CAPN12: variants seen among roughly 807,000 people sequenced by gnomAD.
The protein encoded by CAPN12 is calpain 12.
A neutral mutation model predicts 95.0 loss-of-function variants in CAPN12; 107 were observed. The observed-to-expected ratio is 1.13, with a 90% CI of 0.96 to 1.32. The LOEUF is 1.32. Among genes scored for constraint, CAPN12 ranks in the 40% most tolerant of loss-of-function variants. The pLI is 0.00. For missense variants in CAPN12, 1,136 were observed against 997.8 expected (o/e 1.14, Z -1.87); for synonymous variants, 505 against 415.5 (o/e 1.22, Z -2.62).
chr19:38,734,274 C>G (rs781374442), intron 16 of CAPN12, 45 bp downstream of exon 16: 1 of 1,603,674 alleles, frequency 6.2e-7, no homozygotes, highest in Admixed American at 1.7e-5. Flanking sequence ...CCCCAACGTC[C>G]CCTTCCCCAC....
Position 38,736,145 on chromosome 19 carries a change from A to G in CAPN12, c.1548T>C (p.Thr516=), listed in dbSNP as rs1183475707. 37 of 1,514,326 alleles carry G rather than the reference A, an allele frequency of 2.4e-5. No homozygotes were observed. In the Admixed American group the frequency reaches 3.3e-4, roughly 14 times the overall value. 93.8% of individuals were successfully genotyped at this position (1,514,326 alleles called of 1,614,324 possible). A position where few individuals can be genotyped will look rare whatever the true frequency, so the allele number is the denominator to read the frequency against. ...TAHAGDEADF[T]LRVFSERRHT... ...GGCGGCGCTCGGAGAAGACACGCAG[A>G]GTGAAGTCAGCCTCGTCGCCGGCGT... is the stretch of plus-strand genomic sequence containing the variant. The change falls in exon 12 of 21, where the codon ACT becomes ACC. Residue 516 remains threonine (T), a synonymous_variant. Transcript: ENST00000328867.
chr19:38,731,502 CTCCTTAAA>C (rs1568763903), intron 18 of CAPN12: 1 of 501,204 alleles, frequency 2.0e-6, no homozygotes, highest in Non-Finnish European at 3.7e-6. Flanking sequence ...GGTACTGTTA[CTCCTTAAA>C]TCCTGTGGGG....
At chr19:38,742,951 G>T in intron 2 of CAPN12, 82 bp downstream of exon 2, 1 of 1,315,274 alleles carries the variant, frequency 7.6e-7, no homozygotes. Flanking sequence ...GGCCGGGAGT[G>T]GGTGGACAAA....
intron 12 of CAPN12, 60 bp downstream of exon 12, chr19:38,736,050 C>CG: frequency 1.5e-6 from 1 of 667,094 alleles, no homozygotes; most frequent in East Asian, 4.0e-5. Context: ...TCGGGGGTCT[C>CG]GGGGGTCTCG....
chr19:38,741,466 G>A (rs143476469), intron 4 of CAPN12, among the ~76,000 whole-genome samples: 107 of 152,118 alleles, frequency 7.0e-4, no homozygotes, highest in South Asian at 1.2e-3. Context: ...CCAGCTAGTC[G>A]GGAGGCTGAG....
At position 38,737,273 on chromosome 19, in the gene CAPN12, T is replaced by TGGGGCCC; in HGVS notation, c.1244_1245insGGGCCCC (p.Ala416GlyfsTer101). ...ACTTGGGCGTGCGGCCCCCCCGCGCTGGGCCCCGTGCCCCTGCAGCCCCCC... is the reference window on the plus strand; with the variant it reads ...ACTTGGGCGTGCGGCCCCCCCGCGCTGGGGCCCGGGCCCCGTGCCCCTGCAGCCCCCC... On this transcript the variant is annotated frameshift_variant, in exon 10 of 21. Coordinates refer to ENST00000328867, the MANE Select transcript of CAPN12 (RefSeq NM_144691.4). LOFTEE classifies it high-confidence loss of function. 1 of 1,527,216 alleles carries TGGGGCCC rather than the reference T, an allele frequency of 6.5e-7. No homozygotes were observed. Among genetic ancestry groups the TGGGGCCC allele is most frequent in the Non-Finnish European group, 8.8e-7 (1 of 1,132,126 alleles). The allele number at this position is 1,527,216 out of a possible 1,614,324, so 94.6% of individuals were successfully genotyped here.
intron 8 of CAPN12, 54 bp downstream of exon 8, chr19:38,738,219 A>G (rs1479358316): frequency 2.6e-5 from 39 of 1,524,736 alleles, no homozygotes; most frequent in Non-Finnish European, 3.4e-5. Flanking sequence ...GCCCTCCCTG[A>G]ACCCCTTGGC....
intron 18 of CAPN12, among the ~76,000 whole-genome samples, chr19:38,731,978 C>T (rs769236844): frequency 6.6e-6 from 1 of 152,250 alleles, no homozygotes; most frequent in East Asian, 1.9e-4. Flanking sequence ...CATCTGCCCT[C>T]GGGCATAGGG....
intron 1 of CAPN12, 143 bp downstream of exon 1, chr19:38,743,786 G>A: frequency 1.4e-6 from 1 of 735,636 alleles, no homozygotes; most frequent in Non-Finnish European, 2.2e-6. Context: ...TCCTCCCTCA[G>A]ACCTAAGAGT....
chr19:38,742,977 G>C, intron 2 of CAPN12, 56 bp downstream of exon 2: 1 of 1,553,456 alleles, frequency 6.4e-7, no homozygotes. Flanking sequence ...GGAGCTGTCA[G>C]GATCTCAGCT....
In CAPN12 at chr19:38,737,552, C is replaced by CCCTCCGGGCTGGGGCCCAGCA. The variant is rs1970287752; in HGVS notation, c.1031_1051dup (p.Val344_Glu350dup). ...GAAGGTGTGGACGTGCCAGCCGCCC[C>CCCTCCGGGCTGGGGCCCAGCA]CCTCCGGGCTGGGGCCCAGCACCTC... On this transcript the variant is annotated inframe_insertion, in exon 9 of 21. Transcript: ENST00000328867. 9.3e-6 allele frequency: 15 copies of CCCTCCGGGCTGGGGCCCAGCA among 1,612,498 alleles called. No individual in the cohort carries two copies. The Middle Eastern group carries it at 4.9e-4, about 53-fold the overall frequency.
Position 38,741,666 on chromosome 19 carries a change from TTGG to T in CAPN12, c.560+108_560+110del, listed in dbSNP as rs1218745121. On this transcript the variant is annotated intron_variant, in intron 4 of 20. Coordinates refer to ENST00000328867, the MANE Select transcript of CAPN12 (RefSeq NM_144691.4). ...GCGGTTGTCACTTGGTTTGGGATTC[TTGG>T]TGGGGTGTTTGGAGGATTGCAGAGC... is the stretch of plus-strand genomic sequence containing the variant. 8.8e-6 allele frequency: 12 copies of T among 1,368,096 alleles called. No homozygotes were observed. The East Asian group carries it at 1.7e-4, about 19-fold the overall frequency. 84.7% of individuals were successfully genotyped at this position (1,368,096 alleles called of 1,614,324 possible). A position where few individuals can be genotyped will look rare whatever the true frequency, so the allele number is the denominator to read the frequency against.
At position 38,743,049 on chromosome 19, in the gene CAPN12, C is replaced by T. The variant is rs1406387717; in HGVS notation, c.291G>A (p.Val97=). 1.2e-6 allele frequency: 2 copies of T among 1,613,970 alleles called. No individual in the cohort carries two copies. The highest frequency in any genetic ancestry group is 2.2e-5 in the South Asian group (2 of 91,082). ...FICEDMSRTD[V]CQGSLGNCWF... is the part of the protein sequence containing the mutation. Reference sequence around the variant, plus strand: ...GGGTCTCACCCAGGCTCCCCTGACACACGTCTGTGCGGCTCATGTCTTCAC... The same window carrying T: ...GGGTCTCACCCAGGCTCCCCTGACATACGTCTGTGCGGCTCATGTCTTCAC... The change falls in exon 2 of 21, where the codon GTG becomes GTA. Residue 97 remains valine, a synonymous_variant. Transcript: ENST00000328867.
At position 38,735,330 on chromosome 19, in the gene CAPN12, C is replaced by T. The variant is rs768833230; in HGVS notation, c.1686+40G>A. On this transcript the variant is annotated intron_variant, in intron 14 of 20. Coordinates refer to ENST00000328867, the MANE Select transcript of CAPN12 (RefSeq NM_144691.4). ...GGGAAGGGGGGTCCCCAAGGGGAGGCCGCAGCGGGATACCCCCTCAGTCCA... is the reference window on the plus strand; with the variant it reads ...GGGAAGGGGGGTCCCCAAGGGGAGGTCGCAGCGGGATACCCCCTCAGTCCA... 3 of 1,516,104 alleles carry T rather than the reference C, an allele frequency of 2.0e-6. No homozygotes were observed. The South Asian group carries it at 3.9e-5, about 20-fold the overall frequency. The allele number at this position is 1,516,104 out of a possible 1,614,324, so 93.9% of individuals were successfully genotyped here.
In CAPN12 at chr19:38,740,141, C is replaced by A; in HGVS notation, c.639G>T (p.Glu213Asp). Residue 213 changes from glutamate to aspartate, a missense_variant, in exon 5 of 21, where the codon GAG (glutamate) becomes GAT (aspartate). By Grantham distance (45) the Glu-to-Asp change is conservative (BLOSUM62 2). Coordinates refer to ENST00000328867, the MANE Select transcript of CAPN12 (RefSeq NM_144691.4). Reference sequence around the variant, plus strand: ...TGCTGTTTTGTCTCAGATAGAGCACCTCGCCCACGCCGCCTGTGAAATCCA... The same window carrying A: ...TGCTGTTTTGTCTCAGATAGAGCACATCGCCCACGCCGCCTGTGAAATCCA... ...AFVDFTGGVGEVLYLRQNSMG... is the reference protein window; with the variant it reads ...AFVDFTGGVGDVLYLRQNSMG... 1 of 1,613,668 alleles carries A rather than the reference C, an allele frequency of 6.2e-7. No homozygotes were observed. The highest frequency in any genetic ancestry group is 8.5e-7 in the Non-Finnish European group (1 of 1,179,842).
rs1465855585 is a variant in CAPN12, at chr19:38,743,805, C to CG, written c.237+123dup. The CG allele has an allele frequency of 5.6e-6, 5 of 896,364 alleles. No individual in the cohort carries two copies. The African/African-American group carries it at 8.5e-5, about 15-fold the overall frequency. The allele number at this position is 896,364 out of a possible 1,614,324, so 55.5% of individuals were successfully genotyped here. Reference sequence around the variant, plus strand: ...CCCTCAGACCTAAGAGTCCAGGTCTCGAGCCCCTCCTCCCTCAGACCAGGG... The same window carrying CG: ...CCCTCAGACCTAAGAGTCCAGGTCTCGGAGCCCCTCCTCCCTCAGACCAGGG... On this transcript the variant is annotated intron_variant, in intron 1 of 20. Transcript: ENST00000328867.
At chr19:38,732,620 C>T (rs1442269975) in intron 18 of CAPN12, among the ~76,000 whole-genome samples, 5 of 152,330 alleles carry the variant, frequency 3.3e-5, no homozygotes, top group Admixed American at 3.3e-4. Flanking sequence ...GCATTACAGG[C>T]GTGAGCCACC....
intron 18 of CAPN12, 130 bp from the exon 19 acceptor site, chr19:38,731,353 C>T: frequency 1.4e-6 from 1 of 708,962 alleles, no homozygotes; most frequent in Admixed American, 2.0e-5. Context: ...CCCATCCCGG[C>T]AGGGTGAGTA....
intron 16 of CAPN12, 33 bp from the exon 17 acceptor site, chr19:38,734,237 T>C (rs372455295): frequency 8.8e-5 from 142 of 1,611,930 alleles, no homozygotes; most frequent in Non-Finnish European, 1.2e-4. Flanking sequence ...CTGGTTAAGG[T>C]CAATCTCTCC....
Sources: gnomAD v4.1 joint callset for allele counts (sites outside exome capture counted in the v4.1 genomes callset) on GRCh38, gnomAD v4.1.1 for gene constraint, MANE v1.5 for transcripts, NCBI Gene and HGNC (gene_info 2026-07-23, HGNC 2026-07-21) for gene names.